PLPPR5: variants seen among roughly 807,000 people sequenced by gnomAD.
PLPPR5 encodes phospholipid phosphatase related 5.
A neutral mutation model predicts 33.9 loss-of-function variants in PLPPR5; 16 were observed. The ratio of observed to expected loss-of-function variants is 0.47; its 90% CI spans 0.32 to 0.72. PLPPR5 has a LOEUF of 0.72. Among genes scored for constraint, PLPPR5 ranks in the 30% least tolerant of loss-of-function variants. The pLI is 0.03. For missense variants in PLPPR5, 301 were observed against 406.7 expected (o/e 0.74, Z 2.23); for synonymous variants, 163 against 150.3 (o/e 1.08, Z -0.62).
intron 1 of PLPPR5, among the ~76,000 whole-genome samples, chr1:98,965,504 C>T (rs1345165446): frequency 4.6e-5 from 7 of 151,954 alleles, no homozygotes; most frequent in Non-Finnish European, 7.4e-5. Context: ...AATCAATTAC[C>T]GTCTTTGGTA....
chr1:98,901,123 A>G (rs906482036), intron 5 of PLPPR5, among the ~76,000 whole-genome samples: 3 of 152,200 alleles, frequency 2.0e-5, no homozygotes, highest in Non-Finnish European at 4.4e-5. Flanking sequence ...TGGTGCATCC[A>G]TACAACAGGA....
intron 5 of PLPPR5, among the ~76,000 whole-genome samples, chr1:98,905,168 C>T (rs1648849904): frequency 6.6e-6 from 1 of 152,126 alleles, no homozygotes; most frequent in Non-Finnish European, 1.5e-5. Context: ...TATGGAAGGA[C>T]TTTAAGGAAG....
At chr1:98,929,921 A>C (rs1371882511) in intron 3 of PLPPR5, among the ~76,000 whole-genome samples, 1 of 152,240 alleles carries the variant, frequency 6.6e-6, no homozygotes, top group Non-Finnish European at 1.5e-5. Flanking sequence ...TTACATAAAG[A>C]TAGCTTGTGA....
chr1:98,981,255 T>C (rs550500147), intron 1 of PLPPR5, among the ~76,000 whole-genome samples: 47 of 152,190 alleles, frequency 3.1e-4, no homozygotes, highest in African/African-American at 1.1e-3. Context: ...CTCTTCAAGC[T>C]GGTAAAGGAA....
intron 4 of PLPPR5, among the ~76,000 whole-genome samples, chr1:98,921,561 T>C (rs1649553921): frequency 6.6e-6 from 1 of 152,222 alleles, no homozygotes; most frequent in Non-Finnish European, 1.5e-5. Context: ...AAAAATATTA[T>C]AGGCAGTTTT....
At chr1:98,953,554 T>G (rs773597388) in intron 2 of PLPPR5, among the ~76,000 whole-genome samples, 3 of 152,188 alleles carry the variant, frequency 2.0e-5, no homozygotes, top group Non-Finnish European at 4.4e-5. Flanking sequence ...TACTGGTTTT[T>G]GGGCATGGCA....
At chr1:98,951,639 C>A (rs1196509133) in intron 3 of PLPPR5, among the ~76,000 whole-genome samples, 1 of 152,090 alleles carries the variant, frequency 6.6e-6, no homozygotes, top group Non-Finnish European at 1.5e-5. Context: ...AATTATCCTG[C>A]CATTGTAAAT....
rs190091337 is a variant in PLPPR5, at chr1:98,933,280, G to A, written c.622-11222C>T. On this transcript the variant is annotated intron_variant, in intron 3 of 5. Coordinates refer to ENST00000263177, the MANE Select transcript of PLPPR5 (RefSeq NM_001037317.2). ...GTGGGTGGATCACAGTCAGGAGATC[G>A]AGACCATCCTGGCTAACACGGTGAA... Among the ~76,000 whole-genome samples, 1,306 of 151,752 alleles carry A rather than the reference G, an allele frequency of 8.6e-3. 56 individuals are homozygous for A. Among genetic ancestry groups the A allele is most frequent in the Admixed American group, 0.077 (1,165 of 15,218 alleles).
At chr1:98,918,521 G>A (rs1424903276) in intron 4 of PLPPR5, among the ~76,000 whole-genome samples, 4 of 152,002 alleles carry the variant, frequency 2.6e-5, no homozygotes, top group South Asian at 2.1e-4. Flanking sequence ...GTGATTCTGC[G>A]CTCTAACCTG....
intron 5 of PLPPR5, among the ~76,000 whole-genome samples, chr1:98,905,745 A>G (rs767660696): frequency 3.3e-5 from 5 of 152,160 alleles, no homozygotes; most frequent in Non-Finnish European, 5.9e-5. Flanking sequence ...ATTCATTCAT[A>G]TCCTAATTTG....
At chr1:98,897,251 AC>A (rs1270745359) in intron 5 of PLPPR5, among the ~76,000 whole-genome samples, 5 of 151,870 alleles carry the variant, frequency 3.3e-5, no homozygotes, top group Non-Finnish European at 7.4e-5. Context: ...CAGCGCACAT[AC>A]GTTTATTGCC....
At chr1:98,923,176 C>T (rs1649635106) in intron 3 of PLPPR5, among the ~76,000 whole-genome samples, 1 of 152,162 alleles carries the variant, frequency 6.6e-6, no homozygotes, top group African/African-American at 2.4e-5. Context: ...TTTGGTCCTT[C>T]CCCCATCTAA....
chr1:98,993,943 G>T (rs1200680569), intron 1 of PLPPR5, among the ~76,000 whole-genome samples: 1 of 152,086 alleles, frequency 6.6e-6, no homozygotes, highest in Non-Finnish European at 1.5e-5. Flanking sequence ...GAGAGGAAAT[G>T]CCACGTTATT....
In PLPPR5 at chr1:98,965,714, A is replaced by G. The variant is rs186859211; in HGVS notation, c.238-8973T>C. 1.3e-3 allele frequency among the ~76,000 whole-genome samples: 200 copies of G among 152,374 alleles called. 1 individual carries two copies. The highest frequency in any genetic ancestry group is 2.1e-3 in the Non-Finnish European group (144 of 68,040). Reference sequence around the variant, plus strand: ...GAAGAGAAAATCGCTGTAGATTTTCATCAAATGTCAAACTCCAAATAGCTC... The same window carrying G: ...GAAGAGAAAATCGCTGTAGATTTTCGTCAAATGTCAAACTCCAAATAGCTC... On this transcript the variant is annotated intron_variant, in intron 1 of 5. Transcript: ENST00000263177.
At chr1:98,943,177 A>G (rs1650440861) in intron 3 of PLPPR5, among the ~76,000 whole-genome samples, 1 of 152,208 alleles carries the variant, frequency 6.6e-6, no homozygotes, top group Non-Finnish European at 1.5e-5. Flanking sequence ...GGAATGTATG[A>G]CATGAGGGTG....
At chr1:98,925,283 G>A (rs1273666797) in intron 3 of PLPPR5, among the ~76,000 whole-genome samples, 1 of 152,152 alleles carries the variant, frequency 6.6e-6, no homozygotes, top group Non-Finnish European at 1.5e-5. Context: ...AGCAGGGTGT[G>A]TGATTTGAGC....
At chr1:98,919,506 A>G (rs558636111) in intron 4 of PLPPR5, among the ~76,000 whole-genome samples, 2 of 152,346 alleles carry the variant, frequency 1.3e-5, no homozygotes, top group Non-Finnish European at 2.9e-5. Flanking sequence ...GTTACTGCTC[A>G]GAATAAATGT....
rs144602356 is a variant in PLPPR5 at position 98,900,474 on chromosome 1, C to T, written c.934-7370G>A. Among the ~76,000 whole-genome samples the T allele has an allele frequency of 2.1e-3, 327 of 152,254 alleles. 1 individual carries two copies. Among genetic ancestry groups the T allele is most frequent in the Admixed American group, 3.5e-3 (53 of 15,282 alleles). Reference sequence around the variant, plus strand: ...CAAAATTCTCTCTCTCCCCACGAGACATATCATAGTGCTCTGTATTTAATA... The same window carrying T: ...CAAAATTCTCTCTCTCCCCACGAGATATATCATAGTGCTCTGTATTTAATA... On this transcript the variant is annotated intron_variant, in intron 5 of 5. Coordinates refer to ENST00000263177, the MANE Select transcript of PLPPR5 (RefSeq NM_001037317.2).
chr1:98,968,383 C>G (rs1370508132), intron 1 of PLPPR5, among the ~76,000 whole-genome samples: 1 of 151,892 alleles, frequency 6.6e-6, no homozygotes, highest in Admixed American at 6.6e-5. Context: ...CTAAAATACC[C>G]ATTAGAATCA....
Sources: allele counts gnomAD v4.1 joint callset (sites outside exome capture counted in the v4.1 genomes callset), GRCh38; gene constraint gnomAD v4.1.1; transcripts MANE v1.5; gene names NCBI Gene and HGNC (gene_info 2026-07-23, HGNC 2026-07-21).